NCAM2: variants seen among roughly 807,000 people sequenced by gnomAD.
The protein encoded by NCAM2 is neural cell adhesion molecule 2.
NCAM2 carries 30 observed loss-of-function variants against 98.1 expected under a neutral mutation model. That is an observed-to-expected ratio of 0.31 (90% confidence interval 0.23 to 0.41). The LOEUF (loss-of-function observed/expected upper bound fraction) is 0.41, where lower values mean the gene tolerates loss of function less well. Ranked by LOEUF, NCAM2 falls within the 10% of genes least tolerant of loss-of-function variation. The pLI is 1.00. For synonymous variants in NCAM2, 368 were observed against 342.4 expected (o/e 1.07, Z -0.83); for missense variants, 867 against 1,005.8 (o/e 0.86, Z 1.87).
At chr21:21,537,229 TA>T in intron 17 of NCAM2, among the ~76,000 whole-genome samples, 2 of 152,028 alleles carry the variant, frequency 1.3e-5, no homozygotes, top group Non-Finnish European at 2.9e-5. Flanking sequence ...GTAATTTTAG[TA>T]GATACCTGGT....
intron 1 of NCAM2, among the ~76,000 whole-genome samples, chr21:21,258,760 C>T (rs1387351405): frequency 6.6e-6 from 1 of 152,060 alleles, no homozygotes; most frequent in Non-Finnish European, 1.5e-5. Flanking sequence ...AGTCCCTGCA[C>T]CTTTAATTCT....
chr21:21,113,148 A>C (rs2066487622), intron 1 of NCAM2, among the ~76,000 whole-genome samples: 1 of 152,154 alleles, frequency 6.6e-6, no homozygotes, highest in Non-Finnish European at 1.5e-5. Flanking sequence ...GAGGTTAAAA[A>C]CCAAACCAAA....
intron 1 of NCAM2, among the ~76,000 whole-genome samples, chr21:21,126,179 C>T (rs931799602): frequency 7.6e-6 from 1 of 132,000 alleles, no homozygotes; most frequent in Non-Finnish European, 1.6e-5. Context: ...GGATCATTTC[C>T]GGGGTAGGAG....
Position 21,489,072 on chromosome 21 carries a change from C to A in NCAM2, c.2077+11601C>A, listed in dbSNP as rs539201098. Among the ~76,000 whole-genome samples, 6 of 152,212 alleles carry A rather than the reference C, an allele frequency of 3.9e-5. No individual in the cohort carries two copies. The South Asian group carries it at 1.0e-3, about 26-fold the overall frequency. ...GTGGCCTGATCTCAGCTCACTGGCACCTCCGCCTCCTGTGTACAAGCAACA... is the reference window on the plus strand; with the variant it reads ...GTGGCCTGATCTCAGCTCACTGGCAACTCCGCCTCCTGTGTACAAGCAACA... On this transcript the variant is annotated intron_variant, in intron 15 of 17. Coordinates refer to ENST00000400546, the MANE Select transcript of NCAM2 (RefSeq NM_004540.5).
intron 1 of NCAM2, among the ~76,000 whole-genome samples, chr21:21,223,990 C>A (rs1289018355): frequency 6.6e-6 from 1 of 152,110 alleles, no homozygotes; most frequent in African/African-American, 2.4e-5. Flanking sequence ...CAGTGCATGG[C>A]AAGGTGGGGA....
At chr21:21,485,117 T>G in intron 15 of NCAM2, among the ~76,000 whole-genome samples, 1 of 152,168 alleles carries the variant, frequency 6.6e-6, no homozygotes, top group Non-Finnish European at 1.5e-5. Flanking sequence ...TTATTAGATG[T>G]GTATCCCAAT....
chr21:21,348,696 C>G (rs2075254416), intron 8 of NCAM2, among the ~76,000 whole-genome samples: 1 of 151,986 alleles, frequency 6.6e-6, no homozygotes, highest in Admixed American at 6.6e-5. Flanking sequence ...TACTATAGAG[C>G]TATATTAACC....
chr21:21,068,539 A>T (rs1470681461), intron 1 of NCAM2, among the ~76,000 whole-genome samples: 2 of 148,504 alleles, frequency 1.3e-5, no homozygotes, highest in Non-Finnish European at 3.0e-5. Flanking sequence ...GGCTCACTGC[A>T]ACCTCCGCCT....
intron 1 of NCAM2, among the ~76,000 whole-genome samples, chr21:21,153,991 A>C (rs2067530955): frequency 6.6e-6 from 1 of 151,878 alleles, no homozygotes; most frequent in African/African-American, 2.4e-5. Flanking sequence ...TAAGTTTATA[A>C]ATGAGATAGA....
intron 11 of NCAM2, among the ~76,000 whole-genome samples, chr21:21,419,188 C>T (rs561529185): frequency 3.6e-4 from 55 of 151,994 alleles, no homozygotes; most frequent in African/African-American, 1.3e-3. Context: ...AACTTCAAAC[C>T]ATTGTATCTG....
chr21:21,018,532 C>T (rs1228112525), intron 1 of NCAM2, among the ~76,000 whole-genome samples: 1 of 152,164 alleles, frequency 6.6e-6, no homozygotes, highest in African/African-American at 2.4e-5. Context: ...TGTAATATCA[C>T]AATAAGTATT....
intron 1 of NCAM2, among the ~76,000 whole-genome samples, chr21:21,103,150 A>T (rs1376055215): frequency 2.0e-5 from 3 of 152,114 alleles, no homozygotes; most frequent in African/African-American, 7.2e-5. Flanking sequence ...TTTACAAAAC[A>T]GCTATTATTG....
At position 21,240,372 on chromosome 21, in the gene NCAM2, TAAA is replaced by T. The variant is rs33958717; in HGVS notation, c.56-40195_56-40193del. Among the ~76,000 whole-genome samples, 488 of 142,212 alleles carry T rather than the reference TAAA, an allele frequency of 3.4e-3. 2 individuals are homozygous for T. Among genetic ancestry groups the T allele is most frequent in the African/African-American group, 9.3e-3 (364 of 39,330 alleles). The allele number at this position is 142,212 out of a possible 152,430, so 93.3% of individuals were successfully genotyped here. A position where few individuals can be genotyped will look rare whatever the true frequency, so the allele number is the denominator to read the frequency against. ...ATATTATATAATTTTGCTAAAATGC[TAAA>T]AAAAAAAAAAGCAAAAAAAGCTACA... is the stretch of plus-strand genomic sequence containing the variant. On this transcript the variant is annotated intron_variant, in intron 1 of 17. Transcript: ENST00000400546.
chr21:21,137,514 C>T (rs1447285894), intron 1 of NCAM2, among the ~76,000 whole-genome samples: 2 of 152,180 alleles, frequency 1.3e-5, no homozygotes, highest in Admixed American at 1.3e-4. Context: ...TGCTGTGGCT[C>T]ACGCCTGTAA....
chr21:21,422,839 A>C (rs898030574), intron 11 of NCAM2, among the ~76,000 whole-genome samples: 1 of 152,178 alleles, frequency 6.6e-6, no homozygotes, highest in Non-Finnish European at 1.5e-5. Flanking sequence ...ATTGAAGTAC[A>C]TATCTTGAAT....
chr21:21,042,837 A>G (rs1261431451), intron 1 of NCAM2, among the ~76,000 whole-genome samples: 2 of 152,226 alleles, frequency 1.3e-5, no homozygotes, highest in Non-Finnish European at 2.9e-5. Context: ...ATAGGCTTAA[A>G]TAACAACATA....
At chr21:21,364,596 A>G (rs1368463388) in intron 8 of NCAM2, among the ~76,000 whole-genome samples, 3 of 151,990 alleles carry the variant, frequency 2.0e-5, no homozygotes, top group African/African-American at 7.2e-5. Context: ...TAGCCTGTAT[A>G]TATACATATA....
intron 8 of NCAM2, among the ~76,000 whole-genome samples, chr21:21,351,674 AC>A (rs1238408820): frequency 1.3e-5 from 2 of 152,202 alleles, no homozygotes; most frequent in African/African-American, 4.8e-5. Flanking sequence ...TTGTCACATA[AC>A]AAACACCTAC....
chr21:21,518,490 A>G (rs1025547511), intron 16 of NCAM2, among the ~76,000 whole-genome samples: 1 of 152,046 alleles, frequency 6.6e-6, no homozygotes, highest in African/African-American at 2.4e-5. Flanking sequence ...ATTGCCTTTT[A>G]TGCCTCCTAA....
Sources: gnomAD v4.1 joint callset for allele counts (sites outside exome capture counted in the v4.1 genomes callset) on GRCh38, gnomAD v4.1.1 for gene constraint, MANE v1.5 for transcripts, NCBI Gene and HGNC (gene_info 2026-07-23, HGNC 2026-07-21) for gene names.